Variants in KIRREL1 observed in about 807,000 individuals in gnomAD.
The protein encoded by KIRREL1 is kirre like nephrin family adhesion molecule 1, also known as kin of IRRE-like protein 1.
Under a neutral mutation model 83.3 loss-of-function variants are expected in KIRREL1, and 25 were observed. The observed-to-expected ratio is 0.30, with a 90% confidence interval of 0.22 to 0.42. The LOEUF (loss-of-function observed/expected upper bound fraction) is 0.42. Ranked by LOEUF, KIRREL1 falls within the 10% of genes least tolerant of loss-of-function variation. KIRREL1 has a pLI of 1.00. For missense variants in KIRREL1, 812 were observed against 1,032.3 expected, an observed-to-expected ratio of 0.79 and a Z score of 2.92; for synonymous variants, 388 against 410.4, an observed-to-expected ratio of 0.95 and a Z score of 0.66.
At chr1:158,018,037 T>C (rs957843840) in intron 1 of KIRREL1, among the ~76,000 whole-genome samples, 1 of 152,022 alleles carries the variant, frequency 6.6e-6, no homozygotes, top group African/African-American at 2.4e-5. Context: ...CAAAATATCT[T>C]GAGAGTTGAA....
chr1:158,023,895 G>T (rs1356189542), intron 1 of KIRREL1, among the ~76,000 whole-genome samples: 1 of 152,208 alleles, frequency 6.6e-6, no homozygotes, highest in Non-Finnish European at 1.5e-5. Flanking sequence ...AATGGAGATA[G>T]GAATGTGTGG....
At chr1:158,087,906 G>A in intron 6 of KIRREL1, 46 bp downstream of exon 6, 1 of 1,607,916 alleles carries the variant, frequency 6.2e-7, no homozygotes, top group Non-Finnish European at 8.5e-7. Flanking sequence ...TGATAAGGAA[G>A]AGTTCGGGGT....
intron 1 of KIRREL1, among the ~76,000 whole-genome samples, chr1:158,044,254 T>C (rs1660715305): frequency 6.6e-6 from 1 of 152,160 alleles, no homozygotes; most frequent in South Asian, 2.1e-4. Context: ...AGCCCCCTTC[T>C]GTCTGCCTCC....
chr1:158,089,842 A>G (rs1386393421), intron 10 of KIRREL1, 24 bp downstream of exon 10: 2 of 1,598,814 alleles, frequency 1.3e-6, no homozygotes, highest in Admixed American at 1.7e-5. Flanking sequence ...CTGCCTGCGG[A>G]CAGCCAGCCC....
intron 10 of KIRREL1, 81 bp from the exon 11 acceptor site, chr1:158,091,277 G>C: frequency 7.4e-7 from 1 of 1,344,908 alleles, no homozygotes; most frequent in Non-Finnish European, 1.0e-6. Flanking sequence ...AGGGTGCCTT[G>C]AGGGTGGATC....
intron 1 of KIRREL1, among the ~76,000 whole-genome samples, chr1:158,071,008 C>T (rs1661496343): frequency 6.6e-6 from 1 of 152,142 alleles, no homozygotes; most frequent in South Asian, 2.1e-4. Context: ...AACCCTGGGG[C>T]AGGAGATGGG....
chr1:157,999,703 G>C (rs905595963), intron 1 of KIRREL1, among the ~76,000 whole-genome samples: 1 of 147,040 alleles, frequency 6.8e-6, no homozygotes, highest in African/African-American at 2.5e-5. Flanking sequence ...CTCCTGGAGG[G>C]TTCTTTGACC....
chr1:158,053,413 C>A (rs571900337), intron 1 of KIRREL1, among the ~76,000 whole-genome samples: 1 of 152,314 alleles, frequency 6.6e-6, no homozygotes, highest in South Asian at 2.1e-4. Flanking sequence ...AAGTAGCTTG[C>A]AAGTGTATTT....
intron 1 of KIRREL1, among the ~76,000 whole-genome samples, chr1:158,000,256 A>G (rs1362883806): frequency 1.3e-5 from 2 of 152,224 alleles, no homozygotes; most frequent in Non-Finnish European, 2.9e-5. Flanking sequence ...ATCTGGACAG[A>G]TATCTCTCAT....
Position 158,095,325 on chromosome 1 carries a change from T to G in KIRREL1, c.*205T>G. On this transcript the variant is annotated 3_prime_UTR_variant, in exon 15 of 15. Transcript: ENST00000359209. ...ATGCCCCAGCCTCCTGGGCCTGCCC[T>G]TCCCTCTTCTTCGGGAGGATGTGTC... 2 of 537,188 alleles carry G rather than the reference T, an allele frequency of 3.7e-6. No homozygotes were observed. The highest frequency in any genetic ancestry group is 3.0e-5 in the East Asian group (1 of 32,792). 33.3% of individuals were successfully genotyped at this position (537,188 alleles called of 1,614,324 possible). A position where few individuals can be genotyped will look rare whatever the true frequency, so the allele number is the denominator to read the frequency against.
chr1:158,043,322 C>T (rs1660690668), intron 1 of KIRREL1, among the ~76,000 whole-genome samples: 1 of 152,196 alleles, frequency 6.6e-6, no homozygotes, highest in African/African-American at 2.4e-5. Context: ...CCTCATTCCC[C>T]CCTTATGGAA....
rs2101624780 is a variant in KIRREL1 at position 158,076,189 on chromosome 1, G to A, written c.129G>A (p.Val43=). Residue 43 remains valine, a synonymous_variant, in exon 2 of 15, where the codon GTG becomes GTA. Transcript: ENST00000359209. ...VAGQRAVLPC[V]LLNYSGIVQW... ...GACAGCGGGCCGTGCTCCCCTGTGT[G>A]CTGCTCAACTACTCTGGAATTGTGC... The A allele has an allele frequency of 1.9e-6, 3 of 1,614,150 alleles. No individual in the cohort carries two copies. Among genetic ancestry groups the A allele is most frequent in the Non-Finnish European group, 2.5e-6 (3 of 1,179,982 alleles).
At chr1:158,014,504 A>C (rs1659771209) in intron 1 of KIRREL1, among the ~76,000 whole-genome samples, 1 of 150,042 alleles carries the variant, frequency 6.7e-6, no homozygotes, top group African/African-American at 2.5e-5. Flanking sequence ...CCCACCCTTT[A>C]CTCCTTCCCC....
chr1:158,015,759 T>C (rs1183886926), intron 1 of KIRREL1, among the ~76,000 whole-genome samples: 1 of 152,206 alleles, frequency 6.6e-6, no homozygotes, highest in East Asian at 1.9e-4. Flanking sequence ...GTAGTTCATC[T>C]CTGATGAGGC....
intron 3 of KIRREL1, among the ~76,000 whole-genome samples, chr1:158,082,334 C>G (rs1661886625): frequency 6.6e-6 from 1 of 151,490 alleles, no homozygotes; most frequent in Non-Finnish European, 1.5e-5. Context: ...GAAACTGAGA[C>G]TCAGTGATTT....
At chr1:158,044,041 T>C (rs915488389) in intron 1 of KIRREL1, among the ~76,000 whole-genome samples, 1 of 152,240 alleles carries the variant, frequency 6.6e-6, no homozygotes, top group African/African-American at 2.4e-5. Flanking sequence ...CTCGGTGTTT[T>C]GGACATTCAT....
chr1:158,048,658 T>C (rs1660837421), intron 1 of KIRREL1, among the ~76,000 whole-genome samples: 1 of 152,178 alleles, frequency 6.6e-6, no homozygotes, highest in African/African-American at 2.4e-5. Flanking sequence ...CGCATACTTT[T>C]GCACACATAC....
intron 1 of KIRREL1, among the ~76,000 whole-genome samples, chr1:158,053,480 C>T (rs993346994): frequency 7.9e-5 from 12 of 152,216 alleles, no homozygotes; most frequent in African/African-American, 2.9e-4. Flanking sequence ...TACCCAGTGA[C>T]TCAGCCACAC....
At position 158,097,700 on chromosome 1, in the gene KIRREL1, G is replaced by C. The variant is rs1453744675; in HGVS notation, c.*2580G>C. 1 of 152,606 alleles carries C rather than the reference G, an allele frequency of 6.6e-6. No individual in the cohort carries two copies. The highest frequency in any genetic ancestry group is 1.9e-4 in the East Asian group (1 of 5,210). 9.5% of individuals were successfully genotyped at this position (152,606 alleles called of 1,614,324 possible). ...CCCAGTGGAATAGCTTTTCTGGGGA[G>C]TGGAAGGCGTCCTTGATCACAGAGC... On this transcript the variant is annotated 3_prime_UTR_variant, in exon 15 of 15. Coordinates refer to ENST00000359209, the MANE Select transcript of KIRREL1 (RefSeq NM_018240.7).
Sources: gnomAD v4.1 joint callset for allele counts (sites outside exome capture counted in the v4.1 genomes callset) on GRCh38, gnomAD v4.1.1 for gene constraint, MANE v1.5 for transcripts, NCBI Gene and HGNC (gene_info 2026-07-23, HGNC 2026-07-21) for gene names.